The following C8orf34 variants were observed in gnomAD, a reference collection of about 807,000 sequenced individuals.
The protein encoded by C8orf34 is chromosome 8 open reading frame 34.
A neutral mutation model predicts 68.3 loss-of-function variants in C8orf34; 65 were observed. That is an observed-to-expected ratio of 0.95 (90% CI 0.78 to 1.17). The LOEUF is 1.17. Among genes scored for constraint, C8orf34 ranks in the 50% most tolerant of loss-of-function variants. C8orf34 has a pLI of 0.00. For synonymous variants in C8orf34, 244 were observed against 241.2 expected (o/e 1.01, Z -0.11); for missense variants, 664 against 655.4 (o/e 1.01, Z -0.14).
intron 12 of C8orf34, among the ~76,000 whole-genome samples, chr8:68,794,281 C>T (rs1824100251): frequency 6.6e-6 from 1 of 151,236 alleles, no homozygotes; most frequent in Admixed American, 6.6e-5. Flanking sequence ...AAGCGATCCT[C>T]CCACCTCAGC....
intron 10 of C8orf34, among the ~76,000 whole-genome samples, chr8:68,775,891 A>G (rs1156470673): frequency 6.6e-6 from 1 of 152,160 alleles, no homozygotes. Flanking sequence ...ATCCTCAGCA[A>G]ACTAACACAG....
chr8:68,788,807 C>T (rs1164094105), intron 12 of C8orf34, among the ~76,000 whole-genome samples: 2 of 151,724 alleles, frequency 1.3e-5, no homozygotes, highest in African/African-American at 4.8e-5. Context: ...TGCAGTAAGC[C>T]GAGATCGCGC....
chr8:68,567,833 T>C (rs1056843535), intron 7 of C8orf34, among the ~76,000 whole-genome samples: 1 of 152,006 alleles, frequency 6.6e-6, no homozygotes, highest in African/African-American at 2.4e-5. Context: ...ATTCGCAACT[T>C]GGCTAACTGG....
intron 1 of C8orf34, among the ~76,000 whole-genome samples, chr8:68,375,615 C>A (rs1807758942): frequency 6.6e-6 from 1 of 152,208 alleles, no homozygotes; most frequent in South Asian, 2.1e-4. Flanking sequence ...ACAAGACAAT[C>A]TTTCAATCAT....
At chr8:68,422,337 C>A (rs1321469598) in intron 1 of C8orf34, among the ~76,000 whole-genome samples, 1 of 152,186 alleles carries the variant, frequency 6.6e-6, no homozygotes, top group African/African-American at 2.4e-5. Flanking sequence ...GGTAAATACA[C>A]CCATTCCAAA....
chr8:68,439,786 G>T, intron 2 of C8orf34, 140 bp downstream of exon 2: 1 of 684,206 alleles, frequency 1.5e-6, no homozygotes. Flanking sequence ...TTACCTAGAT[G>T]CTAAAATTTG....
chr8:68,491,819 C>G (rs1224548641), intron 5 of C8orf34, among the ~76,000 whole-genome samples: 1 of 152,174 alleles, frequency 6.6e-6, no homozygotes, highest in Non-Finnish European at 1.5e-5. Context: ...GTGATTCTGC[C>G]CACACTGCCA....
intron 1 of C8orf34, among the ~76,000 whole-genome samples, chr8:68,404,781 G>T (rs1304461605): frequency 6.6e-6 from 1 of 152,180 alleles, no homozygotes; most frequent in Non-Finnish European, 1.5e-5. Flanking sequence ...CTGTAGGCTT[G>T]TAGTATAGTT....
intron 1 of C8orf34, among the ~76,000 whole-genome samples, chr8:68,404,694 G>A (rs1441776768): frequency 6.6e-6 from 1 of 152,134 alleles, no homozygotes; most frequent in Non-Finnish European, 1.5e-5. Context: ...TAGATGTGTG[G>A]CATTATTTCT....
chr8:68,730,680 C>A (rs1020856480), intron 10 of C8orf34, among the ~76,000 whole-genome samples: 1 of 152,046 alleles, frequency 6.6e-6, no homozygotes, highest in Non-Finnish European at 1.5e-5. Context: ...AATCCCTTAA[C>A]ATAATTTTAC....
At chr8:68,775,042 T>C (rs1240687257) in intron 10 of C8orf34, among the ~76,000 whole-genome samples, 2 of 142,662 alleles carry the variant, frequency 1.4e-5, no homozygotes, top group Admixed American at 7.2e-5. Context: ...CACTTGAACC[T>C]GGGAGGCGGA....
chr8:68,726,856 C>CT (rs11375437), intron 10 of C8orf34, among the ~76,000 whole-genome samples: 108,062 of 151,952 alleles, frequency 0.71, 38,661 homozygotes, highest in African/African-American at 0.78. Flanking sequence ...TAACCTCCCC[C>CT]GGGTCCCTCC....
chr8:68,615,865 G>C (rs1367026041), intron 7 of C8orf34, among the ~76,000 whole-genome samples: 2 of 151,490 alleles, frequency 1.3e-5, no homozygotes, highest in Non-Finnish European at 2.9e-5. Context: ...AGAAGGAATG[G>C]TACCAGTTCC....
chr8:68,458,954 G>A (rs1811666083), intron 3 of C8orf34, among the ~76,000 whole-genome samples: 1 of 152,082 alleles, frequency 6.6e-6, no homozygotes. Flanking sequence ...ATACAGACCT[G>A]TAGAAAGAGA....
intron 7 of C8orf34, among the ~76,000 whole-genome samples, chr8:68,572,850 T>C (rs1318696218): frequency 6.6e-6 from 1 of 152,174 alleles, no homozygotes; most frequent in East Asian, 1.9e-4. Flanking sequence ...CAAATCATTA[T>C]GGATAATGAT....
intron 3 of C8orf34, among the ~76,000 whole-genome samples, chr8:68,452,478 T>G (rs1811384858): frequency 6.6e-6 from 1 of 151,694 alleles, no homozygotes; most frequent in African/African-American, 2.4e-5. Flanking sequence ...TGTTAAGTGG[T>G]ATCTCATTGT....
chr8:68,568,580 A>G (rs1460176684), intron 7 of C8orf34, among the ~76,000 whole-genome samples: 1 of 152,178 alleles, frequency 6.6e-6, no homozygotes, highest in Non-Finnish European at 1.5e-5. Flanking sequence ...AAATCTGTGA[A>G]GTGCAATAAA....
intron 11 of C8orf34, 107 bp downstream of exon 11, chr8:68,776,556 T>C (rs1313297040): frequency 9.7e-6 from 8 of 828,420 alleles, no homozygotes; most frequent in Non-Finnish European, 1.6e-5. Context: ...CTAGTCTGTA[T>C]GTGTTCAATG....
At chr8:68,565,814 C>T (rs916164654) in intron 7 of C8orf34, among the ~76,000 whole-genome samples, 4 of 152,088 alleles carry the variant, frequency 2.6e-5, no homozygotes, top group African/African-American at 9.7e-5. Context: ...TAGTCTAATT[C>T]TAGACTTCCT....
Sources: gnomAD v4.1 joint callset for allele counts (sites outside exome capture counted in the v4.1 genomes callset) on GRCh38, gnomAD v4.1.1 for gene constraint, MANE v1.5 for transcripts, NCBI Gene and HGNC (gene_info 2026-07-23, HGNC 2026-07-21) for gene names.